Variants in SLC16A14 observed in about 807,000 individuals in gnomAD.
SLC16A14 encodes monocarboxylate transporter 14.
Under a neutral mutation model 35.8 loss-of-function variants are expected in SLC16A14, and 14 were observed. The ratio of observed to expected loss-of-function variants is 0.39; its 90% CI spans 0.26 to 0.61. SLC16A14 has a LOEUF of 0.61. SLC16A14 is among the 20% of genes least tolerant of loss of function. The pLI is 0.51. For synonymous variants in SLC16A14, 248 were observed against 258.9 expected (o/e 0.96, Z 0.40); for missense variants, 533 against 655.0 (o/e 0.81, Z 2.03).
intron 4 of SLC16A14, 72 bp from the exon 5 acceptor site, chr2:230,037,603 ATTT>A: frequency 1.6e-6 from 2 of 1,249,786 alleles, no homozygotes; most frequent in Non-Finnish European, 2.2e-6. Flanking sequence ...TGAAGCAGGC[ATTT>A]ATTGCTGCTG....
At chr2:230,054,315 A>G (rs2077687699) in intron 2 of SLC16A14, among the ~76,000 whole-genome samples, 1 of 152,212 alleles carries the variant, frequency 6.6e-6, no homozygotes, top group Non-Finnish European at 1.5e-5. Flanking sequence ...AAAGAAAAAA[A>G]TTAAGCTGAA....
In SLC16A14 at chr2:230,038,960, G is replaced by A. The variant is rs917565563; in HGVS notation, c.1382-1429C>T. On this transcript the variant is annotated intron_variant, in intron 4 of 4. Coordinates refer to ENST00000295190, the MANE Select transcript of SLC16A14 (RefSeq NM_152527.5). This position sits in a 1 kb window ranked among gnomAD's most constrained non-coding sequence, Gnocchi z 4.4. ...ATTTTATGATCAAACATAGTATTCC[G>A]TGGCCACTTTTCAGAAACATCTTTA... Among the ~76,000 whole-genome samples, 9 of 151,942 alleles carry A rather than the reference G, an allele frequency of 5.9e-5. No individual in the cohort carries two copies. The highest frequency in any genetic ancestry group is 2.2e-4 in the African/African-American group (9 of 41,372).
At chr2:230,057,572 C>A in intron 2 of SLC16A14, among the ~76,000 whole-genome samples, 1 of 151,758 alleles carries the variant, frequency 6.6e-6, no homozygotes, top group Non-Finnish European at 1.5e-5. Context: ...AGTTCGAGAC[C>A]AGCCTGGGCA....
At chr2:230,061,834 T>C (rs769442667) in intron 1 of SLC16A14, among the ~76,000 whole-genome samples, 1 of 151,586 alleles carries the variant, frequency 6.6e-6, no homozygotes, top group Non-Finnish European at 1.5e-5. Flanking sequence ...CTCTGCATCC[T>C]GGGTTCAAGC....
rs574762802 is a variant in SLC16A14, at chr2:230,038,861, C to T, written c.1382-1330G>A. Among the ~76,000 whole-genome samples, 19 of 152,130 alleles carry T rather than the reference C, an allele frequency of 1.2e-4. No individual in the cohort carries two copies. The highest frequency in any genetic ancestry group is 3.9e-4 in the East Asian group (2 of 5,174). On this transcript the variant is annotated intron_variant, in intron 4 of 4. Coordinates refer to ENST00000295190, the MANE Select transcript of SLC16A14 (RefSeq NM_152527.5). This position sits in a 1 kb window ranked among gnomAD's most constrained non-coding sequence, Gnocchi z 4.4. ...GGCAGAGGTTGCAGTGAGCTGAGAT[C>T]GTGCCACCGCACTCCAGCCTGGGCA...
chr2:230,048,419 T>G (rs2106257100), intron 3 of SLC16A14, among the ~76,000 whole-genome samples: 1 of 152,370 alleles, frequency 6.6e-6, no homozygotes, highest in East Asian at 1.9e-4. Flanking sequence ...AAGTAATTAC[T>G]CATCTGTGTG....
chr2:230,056,330 C>G (rs2077704322), intron 2 of SLC16A14, among the ~76,000 whole-genome samples: 1 of 147,188 alleles, frequency 6.8e-6, no homozygotes. Context: ...TCTCGGCTGA[C>G]TGCAACCTCT....
At chr2:230,060,961 C>G (rs2077747801) in intron 1 of SLC16A14, among the ~76,000 whole-genome samples, 1 of 152,032 alleles carries the variant, frequency 6.6e-6, no homozygotes, top group Admixed American at 6.6e-5. Flanking sequence ...ATGAGGAGGG[C>G]AGAGGTTGTG....
Position 230,046,759 on chromosome 2 carries a change from C to T in SLC16A14, c.404-37G>A. 2 of 1,548,464 alleles carry T rather than the reference C, an allele frequency of 1.3e-6. No individual in the cohort carries two copies. Among genetic ancestry groups the T allele is most frequent in the African/African-American group, 1.4e-5 (1 of 73,586 alleles). Reference sequence around the variant, plus strand: ...GACGGGGGGAAGAAAAGACACAGTGCAACATCAGTGGCCATATCCAGAATT... The same window carrying T: ...GACGGGGGGAAGAAAAGACACAGTGTAACATCAGTGGCCATATCCAGAATT... On this transcript the variant is annotated intron_variant, in intron 3 of 4. Coordinates refer to ENST00000295190, the MANE Select transcript of SLC16A14 (RefSeq NM_152527.5). The surrounding 1 kb of genome is among the most constrained non-coding windows in gnomAD (Gnocchi z 5.0).
chr2:230,051,820 G>A (rs1032552091), intron 2 of SLC16A14, among the ~76,000 whole-genome samples: 1 of 151,950 alleles, frequency 6.6e-6, no homozygotes, highest in African/African-American at 2.4e-5. Flanking sequence ...GGTTTTGTGG[G>A]TGCCTAATCC....
At chr2:230,044,734 G>A (rs868169339) in intron 4 of SLC16A14, among the ~76,000 whole-genome samples, 1,322 of 98,904 alleles carry the variant, frequency 0.013, 18 homozygotes, top group African/African-American at 0.043. Flanking sequence ...GTGTGTGTGT[G>A]TGTATGTGTG....
intron 2 of SLC16A14, chr2:230,058,443 G>A (rs1287163321): frequency 6.6e-6 from 1 of 152,072 alleles, no homozygotes; most frequent in African/African-American, 2.4e-5. Flanking sequence ...TAGAATAATA[G>A]TCAAATTCAT....
In SLC16A14 at chr2:230,068,006, G is replaced by A. The variant is rs749965941; in HGVS notation, c.-15+549C>T. 6.6e-6 allele frequency: 1 copy of A among 151,940 alleles called. No homozygotes were observed. The highest frequency in any genetic ancestry group is 1.5e-5 in the Non-Finnish European group (1 of 68,106). 9.4% of individuals were successfully genotyped at this position (151,940 alleles called of 1,614,324 possible). A position where few individuals can be genotyped will look rare whatever the true frequency, so the allele number is the denominator to read the frequency against. On this transcript the variant is annotated intron_variant, in intron 1 of 4. Coordinates refer to ENST00000295190, the MANE Select transcript of SLC16A14 (RefSeq NM_152527.5). This position sits in a 1 kb window ranked among gnomAD's most constrained non-coding sequence, Gnocchi z 5.1. ...CCACTTCGGGCACCCCGCATCCCTCGGCGCGTTCGGAAGCCAGCAGCCCAC... is the reference window on the plus strand; with the variant it reads ...CCACTTCGGGCACCCCGCATCCCTCAGCGCGTTCGGAAGCCAGCAGCCCAC...
At chr2:230,059,556 G>A (rs561457815) in intron 1 of SLC16A14, among the ~76,000 whole-genome samples, 190 bp from the exon 2 acceptor site, 1 of 152,256 alleles carries the variant, frequency 6.6e-6, no homozygotes, top group East Asian at 1.9e-4. Context: ...GTGCTTCTAT[G>A]AAACCTGTTT....
chr2:230,054,159 T>G (rs1296480867), intron 2 of SLC16A14, among the ~76,000 whole-genome samples: 1 of 152,094 alleles, frequency 6.6e-6, no homozygotes, highest in African/African-American at 2.4e-5. Context: ...TATAAAGTGA[T>G]TTAGCAAGTC....
chr2:230,045,342 G>A (rs1365287136), intron 4 of SLC16A14, among the ~76,000 whole-genome samples: 1 of 152,226 alleles, frequency 6.6e-6, no homozygotes, highest in Non-Finnish European at 1.5e-5. Flanking sequence ...TGGATCACTC[G>A]AGGTCAGAAG....
intron 4 of SLC16A14, among the ~76,000 whole-genome samples, chr2:230,040,797 G>A (rs893420689): frequency 2.0e-5 from 3 of 152,112 alleles, no homozygotes; most frequent in Admixed American, 2.0e-4. Context: ...TCCCTTTGGT[G>A]CCTGTTTTAA....
chr2:230,039,329 A>C (rs1033349668), intron 4 of SLC16A14, among the ~76,000 whole-genome samples: 16 of 152,178 alleles, frequency 1.1e-4, no homozygotes, highest in African/African-American at 3.6e-4. Context: ...GAAAAGAAAA[A>C]AAAAATCTGA....
Position 230,046,576 on chromosome 2 carries a change from C to G in SLC16A14, c.550G>C (p.Ala184Pro). The stretch of plus-strand genomic sequence containing the variant: ...ATGGCATTCCTCCAGCCGTACTCTG[C>G]GCACAGGTACTTCAGCAGCACAGTC... Reference protein sequence around the residue: ...LMTVLLKYLCAEYGWRNAMLI... With the variant: ...LMTVLLKYLCPEYGWRNAMLI... Residue 184 changes from alanine (A) to proline (P), a missense_variant, in exon 4 of 5, where the codon GCA (alanine) becomes CCA (proline). Coordinates refer to ENST00000295190, the MANE Select transcript of SLC16A14 (RefSeq NM_152527.5). The surrounding 1 kb of genome is among the most constrained non-coding windows in gnomAD (Gnocchi z 5.0). 1 of 1,614,138 alleles carries G rather than the reference C, an allele frequency of 6.2e-7. No homozygotes were observed.
Sources: allele counts gnomAD v4.1 joint callset (sites outside exome capture counted in the v4.1 genomes callset), GRCh38; gene constraint gnomAD v4.1.1; non-coding constraint Gnocchi (gnomAD v3.1); transcripts MANE v1.5; gene names NCBI Gene and HGNC (gene_info 2026-07-23, HGNC 2026-07-21).